OPA1: variants seen among roughly 807,000 people sequenced by gnomAD.
OPA1 encodes dynamin-like GTPase OPA1, mitochondrial.
A neutral mutation model predicts 152.9 loss-of-function variants in OPA1; 59 were observed. The ratio of observed to expected loss-of-function variants is 0.39; its 90% CI spans 0.31 to 0.48. The LOEUF is 0.48. Among genes scored for constraint, OPA1 ranks in the 20% least tolerant of loss-of-function variants. The pLI is 0.96. For synonymous variants in OPA1, 400 were observed against 389.9 expected, an observed-to-expected ratio of 1.03 and a Z score of -0.31; for missense variants, 1,008 against 1,216.8, an observed-to-expected ratio of 0.83 and a Z score of 2.55.
chr3:193,604,357 T>C (rs564662517), intron 1 of OPA1, among the ~76,000 whole-genome samples: 1 of 152,196 alleles, frequency 6.6e-6, no homozygotes, highest in South Asian at 2.1e-4. Context: ...AAGGCTCTGG[T>C]ACAGCATTTT....
intron 1 of OPA1, among the ~76,000 whole-genome samples, chr3:193,609,056 G>A (rs531060896): frequency 2.6e-5 from 4 of 151,940 alleles, no homozygotes; most frequent in Non-Finnish European, 5.9e-5. Context: ...CATTTGCTTG[G>A]TAGATCTTCC....
chr3:193,637,582 A>G (rs887096403), intron 10 of OPA1, among the ~76,000 whole-genome samples: 4 of 152,172 alleles, frequency 2.6e-5, no homozygotes, highest in Non-Finnish European at 5.9e-5. Flanking sequence ...AATACTGAAC[A>G]GTGGATTAAA....
chr3:193,608,281 T>G (rs1577135810), intron 1 of OPA1, among the ~76,000 whole-genome samples: 2 of 152,228 alleles, frequency 1.3e-5, no homozygotes, highest in East Asian at 3.9e-4. Context: ...TCTAGTTCTT[T>G]TAATTGTGAC....
intron 29 of OPA1, among the ~76,000 whole-genome samples, chr3:193,686,518 A>C (rs1190029119): frequency 6.6e-6 from 1 of 152,216 alleles, no homozygotes; most frequent in Admixed American, 6.5e-5. Context: ...CCTTTCATCA[A>C]CTAAAAGATG....
At chr3:193,617,438 G>A (rs959892747) in intron 4 of OPA1, among the ~76,000 whole-genome samples, 153 bp downstream of exon 4, 3 of 152,116 alleles carry the variant, frequency 2.0e-5, no homozygotes, top group African/African-American at 4.8e-5. Flanking sequence ...ACAAAGTTTT[G>A]TTACACAATG....
intron 1 of OPA1, among the ~76,000 whole-genome samples, chr3:193,606,392 A>G (rs1266190686): frequency 3.3e-5 from 5 of 151,526 alleles, no homozygotes; most frequent in African/African-American, 1.2e-4. Context: ...CATTAGGTAT[A>G]TCTCCTAATG....
At chr3:193,622,056 G>A (rs1315131162) in intron 6 of OPA1, among the ~76,000 whole-genome samples, 2 of 152,026 alleles carry the variant, frequency 1.3e-5, no homozygotes, top group African/African-American at 2.4e-5. Flanking sequence ...GCATCTCACA[G>A]AAGTAAGAAA....
intron 8 of OPA1, 72 bp downstream of exon 8, chr3:193,631,737 C>A: frequency 1.5e-6 from 2 of 1,350,568 alleles, no homozygotes; most frequent in Non-Finnish European, 2.1e-6. Context: ...GTGATATGGA[C>A]ATTTATTTTT....
At chr3:193,676,624 C>A (rs1414715421) in intron 29 of OPA1, among the ~76,000 whole-genome samples, 4 of 152,122 alleles carry the variant, frequency 2.6e-5, no homozygotes, top group Admixed American at 1.3e-4. Flanking sequence ...ATGAGAAAAT[C>A]GAGACTCAAA....
chr3:193,593,372 G>A lies in OPA1; in HGVS notation c.-6G>A, dbSNP rs1369161538. On this transcript the variant is annotated 5_prime_UTR_variant, in exon 1 of 31. Coordinates refer to ENST00000361510, the MANE Select transcript of OPA1 (RefSeq NM_130837.3). ...TCGGCGCCTGCGTGACCTCCCCGCC[G>A]GCGGGATGTGGCGACTACGTCGGGC... 4 of 1,546,512 alleles carry A rather than the reference G, an allele frequency of 2.6e-6. No individual in the cohort carries two copies. The highest frequency in any genetic ancestry group is 2.0e-5 in the Admixed American group (1 of 50,674).
rs55904490 is a variant in OPA1, at chr3:193,604,860, C to CAAAA, written c.33-9851_33-9848dup. ...GGGCAACAAGAGTGAAACTCCATCTCAAAAAAAAAAAAAAAGAAAAAAGAA... is the reference window on the plus strand; with the variant it reads ...GGGCAACAAGAGTGAAACTCCATCTCAAAAAAAAAAAAAAAAAAAGAAAAAAGAA... On this transcript the variant is annotated intron_variant, in intron 1 of 30. Coordinates refer to ENST00000361510, the MANE Select transcript of OPA1 (RefSeq NM_130837.3). Among the ~76,000 whole-genome samples, 68 of 104,572 alleles carry CAAAA rather than the reference C, an allele frequency of 6.5e-4. 3 individuals carry two copies. Among genetic ancestry groups the CAAAA allele is most frequent in the South Asian group, 1.8e-3 (5 of 2,706 alleles). 68.6% of individuals were successfully genotyped at this position (104,572 alleles called of 152,430 possible). A position where few individuals can be genotyped will look rare whatever the true frequency, so the allele number is the denominator to read the frequency against.
chr3:193,614,649 A>G, intron 1 of OPA1, 74 bp from the exon 2 acceptor site: 1 of 1,104,654 alleles, frequency 9.1e-7, no homozygotes, highest in East Asian at 2.3e-5. Flanking sequence ...CCTTTAGTAT[A>G]TTGCTCTTTT....
chr3:193,605,953 AC>A (rs1727197590), intron 1 of OPA1, among the ~76,000 whole-genome samples: 1 of 151,958 alleles, frequency 6.6e-6, no homozygotes, highest in Non-Finnish European at 1.5e-5. Flanking sequence ...ACTATACACA[AC>A]TCCCTATTTA....
intron 29 of OPA1, chr3:193,668,592 C>A (rs766182553): frequency 6.5e-7 from 1 of 1,542,722 alleles, no homozygotes; most frequent in South Asian, 1.2e-5. Context: ...CCCTCTTTAC[C>A]CTGCCTGTGC....
At chr3:193,644,127 C>G (rs182057097) in intron 16 of OPA1, 22 bp downstream of exon 16, 27 of 1,610,728 alleles carry the variant, frequency 1.7e-5, no homozygotes, top group Non-Finnish European at 2.0e-5. Context: ...TTCTTTGTTG[C>G]GAGAATAGAT....
chr3:193,633,090 C>T (rs1212731795), intron 8 of OPA1, among the ~76,000 whole-genome samples: 2 of 125,054 alleles, frequency 1.6e-5, no homozygotes, highest in Non-Finnish European at 1.8e-5. Flanking sequence ...CTCACCTGTG[C>T]TCTGAGTGGC....
At chr3:193,625,951 A>G in intron 6 of OPA1, 141 bp from the exon 7 acceptor site, 1 of 714,912 alleles carries the variant, frequency 1.4e-6, no homozygotes, top group Non-Finnish European at 2.6e-6. Flanking sequence ...GCCCAAGGGT[A>G]TGACGGCTTT....
At chr3:193,595,786 A>AT (rs1465722583) in intron 1 of OPA1, among the ~76,000 whole-genome samples, 1 of 151,232 alleles carries the variant, frequency 6.6e-6, no homozygotes, top group Non-Finnish European at 1.5e-5. Flanking sequence ...CTTATTTTTT[A>AT]TTATCTTCCT....
At chr3:193,687,727 G>C (rs1721104961) in intron 29 of OPA1, among the ~76,000 whole-genome samples, 2 of 152,192 alleles carry the variant, frequency 1.3e-5, no homozygotes, top group African/African-American at 4.8e-5. Context: ...AGATGGCACA[G>C]TTAGTATACA....
Sources: gnomAD v4.1 joint callset for allele counts (sites outside exome capture counted in the v4.1 genomes callset) on GRCh38, gnomAD v4.1.1 for gene constraint, MANE v1.5 for transcripts, NCBI Gene and HGNC (gene_info 2026-07-23, HGNC 2026-07-21) for gene names.